The following TP53INP1 variants were observed in gnomAD, a reference collection of about 807,000 sequenced individuals.
TP53INP1 encodes the protein tumor protein p53-inducible nuclear protein 1.
TP53INP1 carries 12 observed loss-of-function variants against 21.0 expected under a neutral mutation model. The ratio of observed to expected loss-of-function variants is 0.57; its 90% CI spans 0.37 to 0.93. The LOEUF is 0.93. Ranked by LOEUF, TP53INP1 falls within the 40% of genes least tolerant of loss-of-function variation. The pLI is 0.01. For synonymous variants in TP53INP1, 91 were observed against 94.8 expected (o/e 0.96, Z 0.23); for missense variants, 274 against 294.7 (o/e 0.93, Z 0.51).
rs2131304893 is a variant in TP53INP1 at position 94,929,468 on chromosome 8, A to G, written c.*1011T>C. The G allele has an allele frequency of 6.6e-6, 1 of 151,930 alleles. No homozygotes were observed. Among genetic ancestry groups the G allele is most frequent in the Middle Eastern group, 3.4e-3 (1 of 290 alleles). 9.4% of individuals were successfully genotyped at this position (151,930 alleles called of 1,614,324 possible). On this transcript the variant is annotated 3_prime_UTR_variant, in exon 4 of 4. Coordinates refer to ENST00000342697, the MANE Select transcript of TP53INP1 (RefSeq NM_033285.4). ...AGCCAACCTGTCACTCTTCACTCAG[A>G]TGCCATGAAAGACATCATCACCAGA...
chr8:94,942,038 CTT>C (rs547276041), intron 1 of TP53INP1, among the ~76,000 whole-genome samples: 2 of 144,434 alleles, frequency 1.4e-5, no homozygotes, highest in Admixed American at 1.4e-4. Flanking sequence ...ACCCTTCACG[CTT>C]TTTTTTTTTT....
chr8:94,935,407 T>C (rs1241928165), intron 3 of TP53INP1, among the ~76,000 whole-genome samples: 1 of 152,170 alleles, frequency 6.6e-6, no homozygotes, highest in East Asian at 1.9e-4. Flanking sequence ...GTGGGAGCAA[T>C]CTCAGATATT....
At position 94,927,569 on chromosome 8, in the gene TP53INP1, A is replaced by G. The variant is rs1216278927; in HGVS notation, c.*2910T>C. ...CTTTCTGCAAAAAATTCCCCACCCA[A>G]TCAACCATATAAATGCATTGCCACA... On this transcript the variant is annotated 3_prime_UTR_variant, in exon 4 of 4. Transcript: ENST00000342697. 1 of 152,176 alleles carries G rather than the reference A, an allele frequency of 6.6e-6. No homozygotes were observed. Among genetic ancestry groups the G allele is most frequent in the African/African-American group, 2.4e-5 (1 of 41,440 alleles). 9.4% of individuals were successfully genotyped at this position (152,176 alleles called of 1,614,324 possible).
rs1819905385 is a variant in TP53INP1, at chr8:94,926,432, A to AACACAGCCACTTAAAAAAAAAAAAAAC, written c.*4046_*4047insGTTTTTTTTTTTTTTAAGTGGCTGTGT. On this transcript the variant is annotated 3_prime_UTR_variant, in exon 4 of 4. Transcript: ENST00000342697. ...AACAAAGCCACTTAAAAAAAAAAAAAACACACGCAATTATTAAAGTTCAAA... is the reference window on the plus strand; with the variant it reads ...AACAAAGCCACTTAAAAAAAAAAAAAACACAGCCACTTAAAAAAAAAAAAAACACACACGCAATTATTAAAGTTCAAA... 1 of 147,994 alleles carries AACACAGCCACTTAAAAAAAAAAAAAAC rather than the reference A, an allele frequency of 6.8e-6. No homozygotes were observed. The highest frequency in any genetic ancestry group is 2.5e-5 in the African/African-American group (1 of 39,854). The allele number at this position is 147,994 out of a possible 1,614,324, so 9.2% of individuals were successfully genotyped here.
At chr8:94,936,582 G>C (rs766932944) in intron 3 of TP53INP1, among the ~76,000 whole-genome samples, 2 of 152,074 alleles carry the variant, frequency 1.3e-5, no homozygotes, top group Admixed American at 6.5e-5. Flanking sequence ...CCTAGGTTTG[G>C]GTTTTTACTG....
intron 1 of TP53INP1, among the ~76,000 whole-genome samples, chr8:94,942,648 G>A (rs1381143492): frequency 6.6e-6 from 1 of 152,228 alleles, no homozygotes. Flanking sequence ...GGAGATGGCT[G>A]TGAACAGGGC....
At position 94,927,892 on chromosome 8, in the gene TP53INP1, A is replaced by G. The variant is rs546799100; in HGVS notation, c.*2587T>C. 1 of 138,242 alleles carries G rather than the reference A, an allele frequency of 7.2e-6. No homozygotes were observed. The highest frequency in any genetic ancestry group is 2.2e-4 in the East Asian group (1 of 4,604). The allele number at this position is 138,242 out of a possible 1,614,324, so 8.6% of individuals were successfully genotyped here. ...GAAATATGTCTAAAGCGCATTGTAA[A>G]CCACTAATATTTACAATAGCAAAAA... is the stretch of plus-strand genomic sequence containing the variant. On this transcript the variant is annotated 3_prime_UTR_variant, in exon 4 of 4. Coordinates refer to ENST00000342697, the MANE Select transcript of TP53INP1 (RefSeq NM_033285.4).
intron 3 of TP53INP1, chr8:94,939,640 T>C (rs1004832163): frequency 1.8e-6 from 1 of 565,658 alleles, no homozygotes; most frequent in Admixed American, 3.0e-5. Context: ...TTAAGTGATC[T>C]GCCTGCCTTG....
At chr8:94,935,638 G>A (rs1421972701) in intron 3 of TP53INP1, among the ~76,000 whole-genome samples, 1 of 152,198 alleles carries the variant, frequency 6.6e-6, no homozygotes, top group East Asian at 1.9e-4. Flanking sequence ...AAAATGGTCG[G>A]GGTGGTGAAG....
At chr8:94,938,976 G>A (rs983626040) in intron 3 of TP53INP1, among the ~76,000 whole-genome samples, 23 of 152,164 alleles carry the variant, frequency 1.5e-4, no homozygotes, top group African/African-American at 5.6e-4. Flanking sequence ...CCATCTCGAG[G>A]TAGACAGTGT....
intron 3 of TP53INP1, among the ~76,000 whole-genome samples, chr8:94,934,276 A>C (rs1359156275): frequency 6.6e-6 from 1 of 152,066 alleles, no homozygotes; most frequent in Admixed American, 6.5e-5. Context: ...TTGCATTTGT[A>C]CTGTTTCTGT....
At chr8:94,932,045 A>G (rs1022581299) in intron 3 of TP53INP1, 1 of 1,603,562 alleles carries the variant, frequency 6.2e-7, no homozygotes, top group African/African-American at 1.3e-5. Context: ...CATATATCAC[A>G]CAGTCTCAAA....
intron 3 of TP53INP1, chr8:94,932,181 C>T (rs376803050): frequency 5.8e-5 from 88 of 1,504,340 alleles, no homozygotes; most frequent in Non-Finnish European, 7.0e-5. Context: ...ACTATTAGGA[C>T]GTGGTCAACT....
intron 1 of TP53INP1, among the ~76,000 whole-genome samples, chr8:94,948,520 AGGCCGCGGACAGGCGGGGGCCGGTGGCC>A (rs1324566677): frequency 6.6e-6 from 1 of 152,232 alleles, no homozygotes; most frequent in Admixed American, 6.5e-5. Flanking sequence ...AGCAAGGGAC[AGGCCGCGGACAGGCGGGGGCCGGTGGCC>A]GGGTCACGGA....
Position 94,930,382 on chromosome 8 carries a change from A to G in TP53INP1, c.*97T>C. 7 of 1,504,036 alleles carry G rather than the reference A, an allele frequency of 4.7e-6. No homozygotes were observed. Among genetic ancestry groups the G allele is most frequent in the East Asian group, 2.3e-5 (1 of 44,014 alleles). The allele number at this position is 1,504,036 out of a possible 1,614,324, so 93.2% of individuals were successfully genotyped here. A position where few individuals can be genotyped will look rare whatever the true frequency, so the allele number is the denominator to read the frequency against. Reference sequence around the variant, plus strand: ...GATAAAACTATGTGATTGGTTATCAATTGGTTGTAAAGAGACAACATTTTC... The same window carrying G: ...GATAAAACTATGTGATTGGTTATCAGTTGGTTGTAAAGAGACAACATTTTC... On this transcript the variant is annotated 3_prime_UTR_variant, in exon 4 of 4. Coordinates refer to ENST00000342697, the MANE Select transcript of TP53INP1 (RefSeq NM_033285.4).
intron 3 of TP53INP1, among the ~76,000 whole-genome samples, chr8:94,936,432 G>A (rs1820984552): frequency 6.6e-6 from 1 of 152,200 alleles, no homozygotes; most frequent in African/African-American, 2.4e-5. Context: ...CTGACAAAGA[G>A]CTGCTTGGTT....
chr8:94,938,091 G>A (rs1821166050), intron 3 of TP53INP1, among the ~76,000 whole-genome samples: 1 of 152,160 alleles, frequency 6.6e-6, no homozygotes, highest in Non-Finnish European at 1.5e-5. Flanking sequence ...AACAGGCTCA[G>A]AGAAAAAGAT....
intron 3 of TP53INP1, chr8:94,939,657 CA>C: frequency 2.8e-6 from 2 of 720,610 alleles, no homozygotes; most frequent in Non-Finnish European, 2.2e-6. Context: ...CTTGGCCTCC[CA>C]AAGTGCTGGG....
chr8:94,930,374 G>C lies in TP53INP1; in HGVS notation c.*105C>G. The C allele has an allele frequency of 4.1e-6, 6 of 1,448,526 alleles. No homozygotes were observed. The highest frequency in any genetic ancestry group is 5.7e-6 in the Non-Finnish European group (6 of 1,061,030). 89.7% of individuals were successfully genotyped at this position (1,448,526 alleles called of 1,614,324 possible). A position where few individuals can be genotyped will look rare whatever the true frequency, so the allele number is the denominator to read the frequency against. On this transcript the variant is annotated 3_prime_UTR_variant, in exon 4 of 4. Coordinates refer to ENST00000342697, the MANE Select transcript of TP53INP1 (RefSeq NM_033285.4). ...AATACACTGATAAAACTATGTGATT[G>C]GTTATCAATTGGTTGTAAAGAGACA...
Sources: allele counts gnomAD v4.1 joint callset (sites outside exome capture counted in the v4.1 genomes callset), GRCh38; gene constraint gnomAD v4.1.1; transcripts MANE v1.5; gene names NCBI Gene and HGNC (gene_info 2026-07-23, HGNC 2026-07-21).